TRPM3: variants seen among roughly 807,000 people sequenced by gnomAD.
TRPM3 encodes long transient receptor potential channel 3.
TRPM3 carries 77 observed loss-of-function variants against 181.2 expected under a neutral mutation model. That is an observed-to-expected ratio of 0.42 (90% CI 0.35 to 0.51). TRPM3 has a LOEUF of 0.51. Ranked by LOEUF, TRPM3 falls within the 20% of genes least tolerant of loss-of-function variation. The pLI is 0.01. For missense variants in TRPM3, 1,759 were observed against 2,196.7 expected, an observed-to-expected ratio of 0.80 and a Z score of 3.98; for synonymous variants, 745 against 796.4, an observed-to-expected ratio of 0.94 and a Z score of 1.09.
intron 1 of TRPM3, among the ~76,000 whole-genome samples, chr9:71,200,208 T>C (rs1292762802): frequency 6.6e-6 from 1 of 152,066 alleles, no homozygotes; most frequent in Admixed American, 6.6e-5. Flanking sequence ...AATCCTGAGT[T>C]CTAGTTTGAT....
chr9:70,921,947 ACACAC>A (rs1564766550), intron 1 of TRPM3, among the ~76,000 whole-genome samples: 20 of 150,220 alleles, frequency 1.3e-4, no homozygotes, highest in Admixed American at 2.0e-4. Flanking sequence ...AAACAAACAC[ACACAC>A]ACACACACAC....
intron 1 of TRPM3, among the ~76,000 whole-genome samples, chr9:71,109,599 CAAT>C: frequency 6.6e-6 from 1 of 152,130 alleles, no homozygotes; most frequent in African/African-American, 2.4e-5. Context: ...TCTATCTTGT[CAAT>C]AATCATTTTG....
intron 1 of TRPM3, among the ~76,000 whole-genome samples, chr9:71,148,484 T>C (rs2075556140): frequency 6.6e-6 from 1 of 152,172 alleles, no homozygotes; most frequent in African/African-American, 2.4e-5. Flanking sequence ...TTTTAGATGC[T>C]TATGTGTTTT....
chr9:70,915,475 T>TA (rs1564750940), intron 1 of TRPM3, among the ~76,000 whole-genome samples: 3 of 151,472 alleles, frequency 2.0e-5, no homozygotes, highest in African/African-American at 7.3e-5. Flanking sequence ...TTTTTTTTTT[T>TA]TTTTTATTTT....
chr9:71,017,460 A>G (rs2097793715), intron 1 of TRPM3, among the ~76,000 whole-genome samples: 1 of 151,956 alleles, frequency 6.6e-6, no homozygotes, highest in African/African-American at 2.4e-5. Flanking sequence ...AAATGACTAT[A>G]TGCTGATTAC....
At chr9:71,069,456 C>T (rs1226573225) in intron 1 of TRPM3, among the ~76,000 whole-genome samples, 3 of 152,060 alleles carry the variant, frequency 2.0e-5, no homozygotes, top group Non-Finnish European at 4.4e-5. Flanking sequence ...GGATTACAGG[C>T]GTGAGCCACC....
intron 1 of TRPM3, among the ~76,000 whole-genome samples, chr9:71,194,077 C>T (rs2078192432): frequency 6.6e-6 from 1 of 151,912 alleles, no homozygotes; most frequent in Non-Finnish European, 1.5e-5. Context: ...ACACTGTTTA[C>T]AATTTTTGTA....
chr9:71,193,617 T>C (rs1250492684), intron 1 of TRPM3, among the ~76,000 whole-genome samples: 1 of 151,932 alleles, frequency 6.6e-6, no homozygotes, highest in Non-Finnish European at 1.5e-5. Flanking sequence ...ATTAAATCTG[T>C]CCACAAAATC....
chr9:70,584,218 C>G (rs894280804), intron 22 of TRPM3, among the ~76,000 whole-genome samples: 2 of 152,042 alleles, frequency 1.3e-5, no homozygotes, highest in African/African-American at 4.8e-5. Context: ...TATGAGTCCA[C>G]TTCCCCATTT....
chr9:70,861,538 A>G (rs1308158969), intron 3 of TRPM3, among the ~76,000 whole-genome samples: 1 of 152,220 alleles, frequency 6.6e-6, no homozygotes, highest in Non-Finnish European at 1.5e-5. Context: ...CCAGCAAGCC[A>G]CATCCTCATT....
chr9:71,023,235 G>GTT (rs2134537754), intron 1 of TRPM3, among the ~76,000 whole-genome samples: 1 of 152,252 alleles, frequency 6.6e-6, no homozygotes, highest in African/African-American at 2.4e-5. Context: ...CACATGAAAA[G>GTT]ATGTTCAAAC....
chr9:70,979,681 T>C (rs1407385640), intron 1 of TRPM3, among the ~76,000 whole-genome samples: 2 of 152,160 alleles, frequency 1.3e-5, no homozygotes, highest in African/African-American at 4.8e-5. Flanking sequence ...CCACACAAAC[T>C]GTCATAGTCT....
At chr9:71,246,733 T>C (rs1443201664) in intron 1 of TRPM3, among the ~76,000 whole-genome samples, 1 of 152,196 alleles carries the variant, frequency 6.6e-6, no homozygotes, top group Non-Finnish European at 1.5e-5. Context: ...CCTCTGTAAA[T>C]TCACACAGTT....
At chr9:71,337,215 C>A (rs2090622098) in intron 1 of TRPM3, among the ~76,000 whole-genome samples, 1 of 151,918 alleles carries the variant, frequency 6.6e-6, no homozygotes, top group African/African-American at 2.4e-5. Context: ...CCAGAATGTA[C>A]AAGGAACTTA....
intron 1 of TRPM3, among the ~76,000 whole-genome samples, chr9:71,144,207 A>G (rs1294688658): frequency 6.6e-6 from 1 of 152,152 alleles, no homozygotes; most frequent in African/African-American, 2.4e-5. Flanking sequence ...TGATTTTGAA[A>G]CTTATTACTC....
In TRPM3 at chr9:71,348,712, C is replaced by T. The variant is rs138366393; in HGVS notation, c.183+97941G>A. ...CCCGAGTACCTGGGATTACAGGTGC[C>T]CCCTACCAAGCCAGGCTAATTTTTT... On this transcript the variant is annotated intron_variant, in intron 1 of 24. Transcript: ENST00000357533. Among the ~76,000 whole-genome samples, 145 of 151,774 alleles carry T rather than the reference C, an allele frequency of 9.6e-4. 1 individual carries two copies. The highest frequency in any genetic ancestry group is 6.1e-3 in the South Asian group (29 of 4,792).
intron 1 of TRPM3, among the ~76,000 whole-genome samples, chr9:71,324,501 C>G (rs937698961): frequency 1.3e-5 from 2 of 151,462 alleles, no homozygotes; most frequent in Non-Finnish European, 2.9e-5. Flanking sequence ...AAAGGGAACT[C>G]TTATACACTG....
intron 1 of TRPM3, among the ~76,000 whole-genome samples, chr9:70,895,924 G>A (rs2096273276): frequency 1.3e-5 from 2 of 152,142 alleles, no homozygotes; most frequent in South Asian, 4.1e-4. Flanking sequence ...GTGATAACCA[G>A]AGGTGACTCC....
chr9:70,906,700 C>T (rs1036391041), intron 1 of TRPM3, among the ~76,000 whole-genome samples: 4 of 152,126 alleles, frequency 2.6e-5, no homozygotes, highest in African/African-American at 4.8e-5. Flanking sequence ...GTCAGGAGTT[C>T]GAGACCAGCC....
Sources: allele counts gnomAD v4.1 joint callset (sites outside exome capture counted in the v4.1 genomes callset), GRCh38; gene constraint gnomAD v4.1.1; transcripts MANE v1.5; gene names NCBI Gene and HGNC (gene_info 2026-07-23, HGNC 2026-07-21).